Variants in DMD observed in about 807,000 individuals in gnomAD.
The protein encoded by DMD is mutant dystrophin.
DMD carries 63 observed loss-of-function variants against 330.1 expected under a neutral mutation model. That is an observed-to-expected ratio of 0.19 (90% CI 0.16 to 0.24). DMD has a LOEUF of 0.24. Among genes scored for constraint, DMD ranks in the 10% least tolerant of loss-of-function variants. DMD has a pLI of 1.00. For missense variants in DMD, 3,344 were observed against 2,684.1 expected, an observed-to-expected ratio of 1.25 and a Z score of -5.43; for synonymous variants, 1,223 against 959.8, an observed-to-expected ratio of 1.27 and a Z score of -5.07.
At chrX:32,193,890 T>C (rs1354681148) in intron 44 of DMD, among the ~76,000 whole-genome samples, 2 of 111,744 alleles carry the variant, frequency 1.8e-5, no homozygotes, top group Non-Finnish European at 3.8e-5. Flanking sequence ...ACCCACATCA[T>C]TGATAATTGG....
chrX:32,538,037 G>A (rs1156257850), intron 17 of DMD, among the ~76,000 whole-genome samples: 1 of 112,255 alleles, frequency 8.9e-6, no homozygotes, highest in East Asian at 2.8e-4. Flanking sequence ...TCCTGGCCCA[G>A]GGAAGCTTTA....
chrX:33,234,637 AAC>A (rs956572385), intron 1 of DMD, among the ~76,000 whole-genome samples: 2 of 111,836 alleles, frequency 1.8e-5, no homozygotes, highest in African/African-American at 6.5e-5. Context: ...AAATGTGGCA[AAC>A]ACACTGACAT....
intron 13 of DMD, among the ~76,000 whole-genome samples, chrX:32,581,536 T>C (rs2053654973): frequency 8.9e-6 from 1 of 112,280 alleles, no homozygotes; most frequent in Non-Finnish European, 1.9e-5. Context: ...TAATTTTAGA[T>C]GCAATAGACC....
chrX:32,556,907 A>G (rs1229221821), intron 16 of DMD, among the ~76,000 whole-genome samples: 1 of 111,970 alleles, frequency 8.9e-6, no homozygotes, highest in Non-Finnish European at 1.9e-5. Context: ...AGTATTAGTT[A>G]CTAATTTAGC....
At chrX:31,528,647 T>C (rs1346152524) in intron 55 of DMD, among the ~76,000 whole-genome samples, 2 of 112,409 alleles carry the variant, frequency 1.8e-5, no homozygotes, top group Non-Finnish European at 3.8e-5. Flanking sequence ...CCTTCGCCCA[T>C]TCTGCATATA....
intron 43 of DMD, among the ~76,000 whole-genome samples, chrX:32,219,891 C>T (rs1188706521): frequency 1.8e-5 from 2 of 111,954 alleles, no homozygotes; most frequent in Admixed American, 1.9e-4. Context: ...AATTGCCATC[C>T]TCTATCAAAT....
At position 32,359,448 on chromosome X, in the gene DMD, A is replaced by AT. The variant is rs1036872771; in HGVS notation, c.5325+3339dup. 2.2e-3 allele frequency among the ~76,000 whole-genome samples: 248 copies of AT among 111,085 alleles called. 2 individuals carry two copies. Among genetic ancestry groups the AT allele is most frequent in the Non-Finnish European group, 3.3e-3 (175 of 52,962 alleles). ...AATCTACTTTTTTTATCACCATAGT[A>AT]TTTTTTTTCCCCAGGTTACTCTTCC... On this transcript the variant is annotated intron_variant, in intron 37 of 78. Transcript: ENST00000357033.
intron 66 of DMD, 63 bp from the exon 67 acceptor site, chrX:31,204,181 T>C: frequency 9.7e-7 from 1 of 1,033,603 alleles, no homozygotes; most frequent in Non-Finnish European, 1.4e-6. Context: ...CAGCAGAACC[T>C]GACATCCAAC....
At chrX:32,944,094 A>G (rs2090622174) in intron 2 of DMD, among the ~76,000 whole-genome samples, 1 of 111,725 alleles carries the variant, frequency 9.0e-6, no homozygotes, top group African/African-American at 3.3e-5. Flanking sequence ...GCACACAATT[A>G]TGGGTGAACA....
At chrX:32,593,540 G>C (rs1366960467) in intron 13 of DMD, among the ~76,000 whole-genome samples, 4 of 111,566 alleles carry the variant, frequency 3.6e-5, no homozygotes, top group Admixed American at 9.5e-5. Context: ...CTGAGATATA[G>C]TCACCATTGT....
At chrX:33,163,624 C>CTATCTATCTATGTATCTATG (rs1426522462) in intron 1 of DMD, among the ~76,000 whole-genome samples, 173 of 82,830 alleles carry the variant, frequency 2.1e-3, no homozygotes, top group Admixed American at 2.7e-3. Context: ...CTATCTCTAT[C>CTATCTATCTATGTATCTATG]TATCTATCTA....
chrX:32,114,063 C>A (rs1286109919), intron 44 of DMD, among the ~76,000 whole-genome samples: 1 of 112,142 alleles, frequency 8.9e-6, no homozygotes, highest in African/African-American at 3.2e-5. Flanking sequence ...CCAGATCACA[C>A]AATATTTTTC....
rs191948156 is a variant in DMD, at chrX:31,947,567, A to T, written c.6615-15340T>A. ...TCACCATGGTGCAAAAGCGATACACATTTAGTATAATCCTGGACTGAGGAT... is the reference window on the plus strand; with the variant it reads ...TCACCATGGTGCAAAAGCGATACACTTTTAGTATAATCCTGGACTGAGGAT... On this transcript the variant is annotated intron_variant, in intron 45 of 78. Coordinates refer to ENST00000357033, the MANE Select transcript of DMD (RefSeq NM_004006.3). Among the ~76,000 whole-genome samples, 461 of 112,516 alleles carry T rather than the reference A, an allele frequency of 4.1e-3. 1 individual carries two copies. Among genetic ancestry groups the T allele is most frequent in the Non-Finnish European group, 5.8e-3 (310 of 53,320 alleles).
chrX:31,724,389 C>T (rs1055555868), intron 52 of DMD, among the ~76,000 whole-genome samples: 6 of 112,039 alleles, frequency 5.4e-5, no homozygotes, highest in Admixed American at 4.7e-4. Flanking sequence ...ATTCAAAAAT[C>T]GTGTGAGAGA....
intron 45 of DMD, among the ~76,000 whole-genome samples, chrX:31,966,283 T>C (rs1170027955): frequency 1.8e-5 from 2 of 110,671 alleles, no homozygotes; most frequent in African/African-American, 3.3e-5. Flanking sequence ...AAAATATTAT[T>C]TTATTAATTT....
chrX:33,103,258 T>A (rs749630624), intron 1 of DMD, among the ~76,000 whole-genome samples: 2 of 111,801 alleles, frequency 1.8e-5, no homozygotes, highest in African/African-American at 6.5e-5. Context: ...TACTTTGATG[T>A]GTTTCCATAA....
intron 33 of DMD, among the ~76,000 whole-genome samples, chrX:32,382,796 C>T (rs1461242437): frequency 9.1e-6 from 1 of 109,986 alleles, no homozygotes; most frequent in African/African-American, 3.3e-5. Flanking sequence ...TTCTATCTTC[C>T]CAGAGCTAAT....
intron 44 of DMD, among the ~76,000 whole-genome samples, chrX:32,016,957 C>T (rs1460333231): frequency 8.9e-6 from 1 of 112,382 alleles, no homozygotes; most frequent in African/African-American, 3.2e-5. Context: ...AATATGTCAA[C>T]ACAAGAAGTC....
At chrX:32,221,668 C>T (rs2097132654) in intron 43 of DMD, among the ~76,000 whole-genome samples, 1 of 111,441 alleles carries the variant, frequency 9.0e-6, no homozygotes, top group South Asian at 3.8e-4. Context: ...AAGTAGTGTA[C>T]ATTACACCCC....
Sources: gnomAD v4.1 joint callset for allele counts (sites outside exome capture counted in the v4.1 genomes callset) on GRCh38, gnomAD v4.1.1 for gene constraint, MANE v1.5 for transcripts, NCBI Gene and HGNC (gene_info 2026-07-23, HGNC 2026-07-21) for gene names.